DNAH8: variants seen among roughly 807,000 people sequenced by gnomAD.
DNAH8 encodes the protein axonemal beta dynein heavy chain 8.
Under a neutral mutation model 562.1 loss-of-function variants are expected in DNAH8, and 382 were observed. That is an observed-to-expected ratio of 0.68 (90% CI 0.63 to 0.74). DNAH8 has a LOEUF of 0.74. Ranked by LOEUF, DNAH8 falls within the 30% of genes least tolerant of loss-of-function variation. DNAH8 has a pLI of 0.00. For missense variants in DNAH8, 5,203 were observed against 5,620.4 expected (o/e 0.93, Z 2.37); for synonymous variants, 1,881 against 1,919.4 (o/e 0.98, Z 0.52).
chr6:38,904,792 CAAAAAAA>C lies in DNAH8; in HGVS notation c.9195-1448_9195-1442del, dbSNP rs759782655. ...GGGCAAGAAGAGTGAAACTCCGTCT[CAAAAAAA>C]AAAAAAAAAAAAAGAAAGAATCTGA... On this transcript the variant is annotated intron_variant, in intron 62 of 92. Coordinates refer to ENST00000327475, the MANE Select transcript of DNAH8 (RefSeq NM_001206927.2). Among the ~76,000 whole-genome samples, 5 of 86,404 alleles carry C rather than the reference CAAAAAAA, an allele frequency of 5.8e-5. No individual in the cohort carries two copies. In the East Asian group the frequency reaches 1.3e-3, roughly 22 times the overall value. 56.7% of individuals were successfully genotyped at this position (86,404 alleles called of 152,430 possible).
At chr6:38,933,159 T>C (rs1278937262) in intron 76 of DNAH8, among the ~76,000 whole-genome samples, 6 of 152,122 alleles carry the variant, frequency 3.9e-5, no homozygotes, top group Non-Finnish European at 2.9e-5. Context: ...TGGGTTTATT[T>C]TGAGATGATT....
At chr6:38,792,580 CCTT>C (rs1769861637) in intron 21 of DNAH8, among the ~76,000 whole-genome samples, 1 of 152,166 alleles carries the variant, frequency 6.6e-6, no homozygotes, top group Non-Finnish European at 1.5e-5. Context: ...CAGCTTAAAT[CCTT>C]CTTGGCAGTG....
intron 21 of DNAH8, among the ~76,000 whole-genome samples, chr6:38,793,401 T>TATTG (rs10651926): frequency 0.34 from 51,895 of 151,964 alleles, 9,326 homozygotes; most frequent in East Asian, 0.5. Context: ...CCTCTATCAT[T>TATTG]ATTAAGTTTT....
chr6:38,886,721 C>T, intron 56 of DNAH8, 70 bp from the exon 57 acceptor site: 1 of 1,173,354 alleles, frequency 8.5e-7, no homozygotes, highest in African/African-American at 1.5e-5. Flanking sequence ...CTCATTTGTA[C>T]TATTTTATTG....
At chr6:38,897,802 T>C (rs1299308370) in intron 60 of DNAH8, among the ~76,000 whole-genome samples, 1 of 151,870 alleles carries the variant, frequency 6.6e-6, no homozygotes, top group Non-Finnish European at 1.5e-5. Flanking sequence ...AAAAATAAAG[T>C]GTATGCAGAT....
Position 38,814,124 on chromosome 6 carries a change from A to G in DNAH8, c.3328A>G (p.Asn1110Asp). The stretch of plus-strand genomic sequence containing the variant: ...AAGTGAAGTACATCTTGCAATTCCT[A>G]ATGTGGTAAGTATTATTAAATACAC... ...IKSEVHLAIP[N>D]VVMIPSLDDI... Residue 1110 changes from asparagine (N) to aspartate (D), a missense_variant, in exon 25 of 93, where the codon AAT becomes GAT. This residue lies in a region of DNAH8 where 2,176 missense variants were observed against 2,365.1 expected (regional missense o/e 0.92). Coordinates refer to ENST00000327475, the MANE Select transcript of DNAH8 (RefSeq NM_001206927.2). The G allele has an allele frequency of 6.7e-7, 1 of 1,496,470 alleles. No homozygotes were observed. Among genetic ancestry groups the G allele is most frequent in the Non-Finnish European group, 9.3e-7 (1 of 1,074,652 alleles). 92.7% of individuals were successfully genotyped at this position (1,496,470 alleles called of 1,614,324 possible). A position where few individuals can be genotyped will look rare whatever the true frequency, so the allele number is the denominator to read the frequency against.
rs865933270 is a variant in DNAH8 at position 38,805,507 on chromosome 6, A to G, written c.3061A>G (p.Ser1021Gly). The G allele has an allele frequency of 8.1e-6, 13 of 1,609,988 alleles. No homozygotes were observed. In the Middle Eastern group the frequency reaches 2.1e-3, roughly 266 times the overall value. The change falls in exon 23 of 93, where the codon AGT becomes GGT. Residue 1021 changes from serine to glycine, a missense_variant. By Grantham distance (56) the Ser-to-Gly change is moderately conservative. Coordinates refer to ENST00000327475, the MANE Select transcript of DNAH8 (RefSeq NM_001206927.2). The stretch of plus-strand genomic sequence containing the variant: ...ACAGCGGAAACACGTTGTTTTTGGA[A>G]GTGAAACAGGAGAGGGTGAAAACAA... ...SEQRKHVVFG[S>G]ETGEGENNDY... is the part of the protein sequence containing the mutation.
intron 8 of DNAH8, among the ~76,000 whole-genome samples, chr6:38,749,649 G>A (rs552724892): frequency 6.6e-6 from 1 of 152,194 alleles, no homozygotes; most frequent in South Asian, 2.1e-4. Flanking sequence ...ACATTTGAAG[G>A]GTTGCTGTGT....
At chr6:38,724,122 C>A (rs1763007431) in intron 3 of DNAH8, among the ~76,000 whole-genome samples, 1 of 151,946 alleles carries the variant, frequency 6.6e-6, no homozygotes. Context: ...GGATTTCAGG[C>A]ACGCACCACC....
chr6:38,742,342 G>A (rs1764585493), intron 8 of DNAH8, among the ~76,000 whole-genome samples: 2 of 151,788 alleles, frequency 1.3e-5, no homozygotes, highest in African/African-American at 4.8e-5. Flanking sequence ...TCTGTCACTC[G>A]GGTGGGGTGC....
intron 9 of DNAH8, among the ~76,000 whole-genome samples, chr6:38,752,453 C>T (rs1172037258): frequency 6.6e-6 from 1 of 152,246 alleles, no homozygotes; most frequent in Non-Finnish European, 1.5e-5. Context: ...CGTGAGCCAT[C>T]GGGCCCAACA....
intron 82 of DNAH8, among the ~76,000 whole-genome samples, chr6:38,957,726 T>C (rs1170791878): frequency 6.6e-6 from 1 of 152,000 alleles, no homozygotes; most frequent in Non-Finnish European, 1.5e-5. Flanking sequence ...TGTTCCTGAA[T>C]AACCAATGAG....
chr6:38,920,602 C>A (rs1420553883), intron 70 of DNAH8, among the ~76,000 whole-genome samples: 1 of 151,994 alleles, frequency 6.6e-6, no homozygotes, highest in Non-Finnish European at 1.5e-5. Flanking sequence ...GTATTTATCA[C>A]AACATTATTT....
chr6:38,845,171 T>C (rs970463846), intron 35 of DNAH8, among the ~76,000 whole-genome samples: 8 of 152,196 alleles, frequency 5.3e-5, no homozygotes, highest in Admixed American at 5.2e-4. Flanking sequence ...AGAAATATAG[T>C]AATATCTATA....
At chr6:38,739,709 T>C (rs1209756669) in intron 7 of DNAH8, among the ~76,000 whole-genome samples, 4 of 152,216 alleles carry the variant, frequency 2.6e-5, no homozygotes, top group African/African-American at 7.2e-5. Flanking sequence ...CTTGCGTTTC[T>C]CTTCCCAGTT....
intron 11 of DNAH8, among the ~76,000 whole-genome samples, chr6:38,764,966 C>G (rs569962923): frequency 6.6e-6 from 1 of 152,252 alleles, no homozygotes; most frequent in South Asian, 2.1e-4. Context: ...TCCTGAGTAG[C>G]TGGGATTACA....
rs1414244980 is a variant in DNAH8, at chr6:38,874,096, C to CTTTCTT, written c.7620+721_7620+722insTTCTTT. On this transcript the variant is annotated intron_variant, in intron 52 of 92. Coordinates refer to ENST00000327475, the MANE Select transcript of DNAH8 (RefSeq NM_001206927.2). ...TCTTTCTTTCTTTCTTTCTTTCTTT[C>CTTTCTT]TCTTTCTCCTTCCTTCCTTCCTCCT... 3.7e-5 allele frequency among the ~76,000 whole-genome samples: 3 copies of CTTTCTT among 81,646 alleles called. 1 individual carries two copies. Among genetic ancestry groups the CTTTCTT allele is most frequent in the South Asian group, 4.7e-4 (1 of 2,130 alleles). 53.6% of individuals were successfully genotyped at this position (81,646 alleles called of 152,430 possible).
At chr6:38,806,226 A>G (rs1465284235) in intron 23 of DNAH8, among the ~76,000 whole-genome samples, 1 of 151,988 alleles carries the variant, frequency 6.6e-6, no homozygotes, top group Non-Finnish European at 1.5e-5. Context: ...GTTTTCTTTT[A>G]ATCCTTCATA....
chr6:38,834,475 TA>T (rs1583137878), intron 31 of DNAH8, 103 bp from the exon 32 acceptor site: 6 of 746,898 alleles, frequency 8.0e-6, no homozygotes, highest in South Asian at 2.2e-5. Flanking sequence ...TAATTTAAAT[TA>T]AAAAAATGCT....
Sources: gnomAD v4.1 joint callset for allele counts (sites outside exome capture counted in the v4.1 genomes callset) on GRCh38, gnomAD v4.1.1 for gene constraint, gnomAD v4.1.1 regional missense constraint, MANE v1.5 for transcripts, NCBI Gene and HGNC (gene_info 2026-07-23, HGNC 2026-07-21) for gene names.